SMARCD3: variants seen among roughly 807,000 people sequenced by gnomAD.
SMARCD3 encodes the protein SWI/SNF related BAF chromatin remodeling complex subunit D3, also known as SWI/SNF-related matrix-associated actin-dependent regulator of chromatin subfamily D member 3.
SMARCD3 carries 14 observed loss-of-function variants against 58.0 expected under a neutral mutation model. The observed-to-expected ratio is 0.24, with a 90% CI of 0.16 to 0.38. The LOEUF is 0.38. SMARCD3 is among the 10% of genes least tolerant of loss of function. The probability of loss-of-function intolerance (pLI) is 1.00; values close to 1 mark genes in which losing one functional copy is unlikely to be tolerated. For missense variants in SMARCD3, 408 were observed against 636.9 expected, an observed-to-expected ratio of 0.64 and a Z score of 3.87; for synonymous variants, 253 against 253.8, an observed-to-expected ratio of 1.00 and a Z score of 0.03.
chr7:151,244,745 C>T (rs1274054098), intron 2 of SMARCD3, among the ~76,000 whole-genome samples: 8 of 152,170 alleles, frequency 5.3e-5, no homozygotes, highest in African/African-American at 1.9e-4. Flanking sequence ...TGATATTACA[C>T]CTTTTATAGA....
intron 1 of SMARCD3, among the ~76,000 whole-genome samples, chr7:151,247,020 T>G (rs1311773671): frequency 2.0e-5 from 3 of 152,086 alleles, no homozygotes; most frequent in Non-Finnish European, 4.4e-5. Context: ...TGTCTAACCC[T>G]AATGTCCTCC....
intron 1 of SMARCD3, chr7:151,275,271 CCT>C (rs1795306587): frequency 2.3e-6 from 2 of 861,728 alleles, no homozygotes; most frequent in Admixed American, 2.1e-5. Flanking sequence ...GAGGTCAGAC[CCT>C]GAGCCCCAGC....
At chr7:151,273,233 C>T (rs1393436665) in intron 2 of SMARCD3, among the ~76,000 whole-genome samples, 1 of 152,216 alleles carries the variant, frequency 6.6e-6, no homozygotes, top group Non-Finnish European at 1.5e-5. Context: ...GGCCAGGTGT[C>T]ACTAGGATGG....
chr7:151,244,292 G>A (rs891421310), intron 2 of SMARCD3, among the ~76,000 whole-genome samples: 1 of 152,166 alleles, frequency 6.6e-6, no homozygotes, highest in East Asian at 1.9e-4. Context: ...GGGACATGCT[G>A]CAGCCATAGG....
chr7:151,247,338 G>A (rs1370473143), intron 1 of SMARCD3, among the ~76,000 whole-genome samples: 8 of 152,078 alleles, frequency 5.3e-5, no homozygotes, highest in Non-Finnish European at 1.2e-4. Flanking sequence ...TAGCTGACAT[G>A]GACACCTTGG....
chr7:151,244,187 C>T (rs909489828), intron 2 of SMARCD3, among the ~76,000 whole-genome samples: 7 of 152,094 alleles, frequency 4.6e-5, no homozygotes, highest in Admixed American at 3.9e-4. Context: ...GTGAAGCTGG[C>T]GGGACTTGCA....
chr7:151,270,470 A>AT (rs779395188), intron 2 of SMARCD3, among the ~76,000 whole-genome samples: 39 of 152,308 alleles, frequency 2.6e-4, no homozygotes, highest in Non-Finnish European at 5.0e-4. Context: ...AACAAGACAG[A>AT]TGCAGCCATG....
At chr7:151,258,184 C>T (rs1803765875) in intron 2 of SMARCD3, among the ~76,000 whole-genome samples, 1 of 151,854 alleles carries the variant, frequency 6.6e-6, no homozygotes, top group Non-Finnish European at 1.5e-5. Flanking sequence ...CCGGATGCCG[C>T]CCGAGATCCA....
At chr7:151,254,387 T>C (rs1048520456) in intron 2 of SMARCD3, 3 of 152,524 alleles carry the variant, frequency 2.0e-5, no homozygotes, top group African/African-American at 7.2e-5. Flanking sequence ...ACTTGGGATC[T>C]GCTCATGTCG....
In SMARCD3 at chr7:151,242,236, TGGG is replaced by T; in HGVS notation, c.580-7_580-5del. The T allele has an allele frequency of 2.5e-6, 4 of 1,611,964 alleles. No homozygotes were observed. The highest frequency in any genetic ancestry group is 3.4e-6 in the Non-Finnish European group (4 of 1,178,146). ...ACTTCCGCTTCTGTTTGCTGGGCTG[TGGG>T]AGAGCAACAGGGACCATGGGGGCAG... On this transcript the variant is annotated splice_polypyrimidine_tract_variant and splice_region_variant and intron_variant, in intron 5 of 12. Coordinates refer to ENST00000262188, the MANE Select transcript of SMARCD3 (RefSeq NM_001003801.2). This position sits in a 1 kb window ranked among gnomAD's most constrained non-coding sequence, Gnocchi z 4.7.
At chr7:151,275,631 G>C (rs1365402967) in intron 1 of SMARCD3, among the ~76,000 whole-genome samples, 1 of 152,176 alleles carries the variant, frequency 6.6e-6, no homozygotes, top group Non-Finnish European at 1.5e-5. Context: ...GGTCAGGATG[G>C]TAACTGGGAT....
intron 2 of SMARCD3, among the ~76,000 whole-genome samples, chr7:151,271,663 G>C (rs1024024677): frequency 3.3e-5 from 5 of 152,102 alleles, no homozygotes; most frequent in Non-Finnish European, 7.3e-5. Flanking sequence ...TCAATATAGA[G>C]AGTATTTCCT....
Position 151,239,629 on chromosome 7 carries a change from G to A in SMARCD3, c.1291C>T (p.Leu431Phe). ...QDLLRSQSRD[L>F]KVMTDVAGNP... The stretch of plus-strand genomic sequence containing the variant: ...CCCTGAGTCTCCCTCTTCACCTTGA[G>A]GTCCCGGCTCTGGGAGCGGAGCAGG... The change falls in exon 11 of 13, where the codon CTC becomes TTC. Residue 431 changes from leucine (L) to phenylalanine (F), a missense_variant. Around this residue, in one of 4 missense-constraint regions of SMARCD3, gnomAD observed 81 missense variants for 109.7 expected, o/e 0.74. Transcript: ENST00000262188. The surrounding 1 kb of genome is among the most constrained non-coding windows in gnomAD (Gnocchi z 7.0). 1 of 1,614,108 alleles carries A rather than the reference G, an allele frequency of 6.2e-7. No homozygotes were observed. The highest frequency in any genetic ancestry group is 8.5e-7 in the Non-Finnish European group (1 of 1,180,026).
In SMARCD3 at chr7:151,245,705, G is replaced by C. The variant is rs1803226379; in HGVS notation, c.79-34C>G. On this transcript the variant is annotated intron_variant, in intron 1 of 12. Transcript: ENST00000262188. The surrounding 1 kb of genome is among the most constrained non-coding windows in gnomAD (Gnocchi z 6.2). ...GGGCGGGGGTGAAGCAGAAACGGGC[G>C]CCCGTGGGTCAGACCAGGGCCCCCC... 1.8e-6 allele frequency: 1 copy of C among 567,600 alleles called. No individual in the cohort carries two copies. The highest frequency in any genetic ancestry group is 8.9e-5 in the South Asian group (1 of 11,294). 35.2% of individuals were successfully genotyped at this position (567,600 alleles called of 1,614,324 possible).
Position 151,242,100 on chromosome 7 carries a change from G to T in SMARCD3, c.675+37C>A. The T allele has an allele frequency of 6.4e-7, 1 of 1,556,826 alleles. No homozygotes were observed. The highest frequency in any genetic ancestry group is 8.9e-7 in the Non-Finnish European group (1 of 1,127,866). On this transcript the variant is annotated intron_variant, in intron 6 of 12. Coordinates refer to ENST00000262188, the MANE Select transcript of SMARCD3 (RefSeq NM_001003801.2). The surrounding 1 kb of genome is among the most constrained non-coding windows in gnomAD (Gnocchi z 4.7). ...CTTCAGGGATTCTGGCCTGTGGGAG[G>T]GTGGCAATTCAAGGGCGGAGGGGCT...
rs1322542956 is a variant in SMARCD3, at chr7:151,275,074, G to A, written c.39+40C>T. Reference sequence around the variant, plus strand: ...CTGGCCGACTCGCCATGGGGCCCCAGAGCTTCTGCTCCTGGGCTGGCAGGG... The same window carrying A: ...CTGGCCGACTCGCCATGGGGCCCCAAAGCTTCTGCTCCTGGGCTGGCAGGG... On this transcript the variant is annotated intron_variant, in intron 2 of 13. Transcript: ENST00000356800. The A allele has an allele frequency of 3.1e-6, 5 of 1,593,502 alleles. No homozygotes were observed. In the Admixed American group the frequency reaches 5.1e-5, roughly 16 times the overall value.
At position 151,275,189 on chromosome 7, in the gene SMARCD3, G is replaced by A. The variant is rs978745381; in HGVS notation, c.-37C>T. The A allele has an allele frequency of 4.4e-6, 7 of 1,595,586 alleles. No homozygotes were observed. The African/African-American group carries it at 6.7e-5, about 15-fold the overall frequency. On this transcript the variant is annotated 5_prime_UTR_variant, in exon 2 of 14. Coordinates refer to the SMARCD3 transcript ENST00000356800. ...TCCTGCACCTGGAGAGTCATCCAGT[G>A]CCCCCTCGGTGCCTGGGCCCGGAGC... is the stretch of plus-strand genomic sequence containing the variant.
chr7:151,256,191 T>A (rs1002948525), intron 2 of SMARCD3, among the ~76,000 whole-genome samples: 24 of 139,880 alleles, frequency 1.7e-4, no homozygotes, highest in Admixed American at 3.6e-4. Flanking sequence ...TTTTTTTTTT[T>A]TTATTTTTGA....
chr7:151,259,814 T>A (rs1011840451), intron 2 of SMARCD3, among the ~76,000 whole-genome samples: 4 of 152,032 alleles, frequency 2.6e-5, no homozygotes, highest in African/African-American at 7.2e-5. Context: ...TTCACCATGT[T>A]GGCCAGGCTG....
Sources: gnomAD v4.1 joint callset for allele counts (sites outside exome capture counted in the v4.1 genomes callset) on GRCh38, gnomAD v4.1.1 for gene constraint, gnomAD v4.1.1 regional missense constraint, Gnocchi (gnomAD v3.1) non-coding constraint, MANE v1.5 for transcripts, NCBI Gene and HGNC (gene_info 2026-07-23, HGNC 2026-07-21) for gene names.